SNTG1: variants seen among roughly 807,000 people sequenced by gnomAD.
SNTG1 encodes the protein gamma-1-syntrophin.
SNTG1 carries 39 observed loss-of-function variants against 74.7 expected under a neutral mutation model. The ratio of observed to expected loss-of-function variants is 0.52; its 90% CI spans 0.40 to 0.68. SNTG1 has a LOEUF of 0.68. Among genes scored for constraint, SNTG1 ranks in the 30% least tolerant of loss-of-function variants. The probability of loss-of-function intolerance (pLI) is 0.00; values close to 1 mark genes in which losing one functional copy is unlikely to be tolerated. For missense variants in SNTG1, 685 were observed against 609.5 expected, an observed-to-expected ratio of 1.12 and a Z score of -1.30; for synonymous variants, 254 against 217.1, an observed-to-expected ratio of 1.17 and a Z score of -1.49.
intron 1 of SNTG1, among the ~76,000 whole-genome samples, chr8:50,002,960 T>C (rs1165784826): frequency 6.6e-6 from 1 of 152,148 alleles, no homozygotes; most frequent in African/African-American, 2.4e-5. Context: ...AGAAATGAAC[T>C]CTGACAACAT....
chr8:50,588,005 A>C (rs1480200960), intron 12 of SNTG1, among the ~76,000 whole-genome samples: 1 of 150,688 alleles, frequency 6.6e-6, no homozygotes, highest in African/African-American at 2.4e-5. Context: ...CTATAGTCCC[A>C]GCTACTCAAC....
chr8:50,255,779 C>T (rs2086851820), intron 2 of SNTG1, among the ~76,000 whole-genome samples: 1 of 152,168 alleles, frequency 6.6e-6, no homozygotes, highest in African/African-American at 2.4e-5. Flanking sequence ...TGCACTGATC[C>T]TATTTCCCCC....
chr8:50,768,630 T>A (rs1563821439), intron 18 of SNTG1, among the ~76,000 whole-genome samples: 4 of 152,084 alleles, frequency 2.6e-5, no homozygotes, highest in Non-Finnish European at 5.9e-5. Flanking sequence ...TTTGTGACTC[T>A]ATCTGGTATC....
chr8:50,570,516 C>T (rs150148685), intron 12 of SNTG1, among the ~76,000 whole-genome samples: 4,654 of 148,902 alleles, frequency 0.031, 115 homozygotes, highest in African/African-American at 0.056. Context: ...ACCTTGGCCT[C>T]CCAGCGTGCT....
chr8:50,382,077 A>G (rs1320375308), intron 2 of SNTG1: 1 of 151,716 alleles, frequency 6.6e-6, no homozygotes, highest in Non-Finnish European at 1.5e-5. Context: ...TATTCTAGCC[A>G]TGCTGGCAGC....
At chr8:49,962,919 G>A (rs974576312) in intron 1 of SNTG1, among the ~76,000 whole-genome samples, 3 of 152,120 alleles carry the variant, frequency 2.0e-5, no homozygotes, top group Non-Finnish European at 4.4e-5. Context: ...ACAGATTCCC[G>A]GGCTGTTTGT....
chr8:50,221,512 TAC>T (rs71550218), intron 2 of SNTG1, among the ~76,000 whole-genome samples: 13,706 of 129,838 alleles, frequency 0.11, 765 homozygotes, highest in South Asian at 0.21. Context: ...AACACACACA[TAC>T]ACACACACAC....
chr8:50,758,079 T>C (rs1349967859), intron 18 of SNTG1, among the ~76,000 whole-genome samples: 1 of 151,964 alleles, frequency 6.6e-6, no homozygotes, highest in Non-Finnish European at 1.5e-5. Context: ...ATATGTTAGA[T>C]AAATAACATT....
chr8:50,159,205 CT>C (rs1164646039), intron 1 of SNTG1, among the ~76,000 whole-genome samples: 1 of 151,544 alleles, frequency 6.6e-6, no homozygotes, highest in East Asian at 1.9e-4. Flanking sequence ...TTAAATATTC[CT>C]TTTTTTTCAC....
chr8:50,008,086 T>C (rs1467445601), intron 1 of SNTG1, among the ~76,000 whole-genome samples: 1 of 152,102 alleles, frequency 6.6e-6, no homozygotes, highest in East Asian at 1.9e-4. Context: ...CAATTCAAGA[T>C]GAGATTTGAG....
intron 15 of SNTG1, among the ~76,000 whole-genome samples, chr8:50,659,007 T>C (rs2095201873): frequency 6.6e-6 from 1 of 152,128 alleles, no homozygotes; most frequent in African/African-American, 2.4e-5. Flanking sequence ...ATGTTTTTTT[T>C]TTTAATTCTT....
At chr8:50,670,983 T>C (rs1289228626) in intron 15 of SNTG1, among the ~76,000 whole-genome samples, 1 of 150,446 alleles carries the variant, frequency 6.6e-6, no homozygotes, top group African/African-American at 2.4e-5. Flanking sequence ...GAAAACTGGC[T>C]AGCCATATGT....
At chr8:50,304,852 T>C (rs1293112345) in intron 2 of SNTG1, among the ~76,000 whole-genome samples, 1 of 152,192 alleles carries the variant, frequency 6.6e-6, no homozygotes, top group African/African-American at 2.4e-5. Flanking sequence ...TGAACCTTAT[T>C]CTCTGTTAGA....
At chr8:50,492,215 T>A (rs527304233) in intron 8 of SNTG1, among the ~76,000 whole-genome samples, 1 of 152,228 alleles carries the variant, frequency 6.6e-6, no homozygotes, top group East Asian at 1.9e-4. Flanking sequence ...TGTGTCTTTA[T>A]GGTAGAATAA....
chr8:49,999,660 C>A (rs1814567657), intron 1 of SNTG1, among the ~76,000 whole-genome samples: 1 of 152,168 alleles, frequency 6.6e-6, no homozygotes, highest in Admixed American at 6.5e-5. Flanking sequence ...GTCTGCATGG[C>A]TCTCCCCATT....
At chr8:50,160,074 T>C (rs1275114787) in intron 1 of SNTG1, among the ~76,000 whole-genome samples, 1 of 152,170 alleles carries the variant, frequency 6.6e-6, no homozygotes, top group African/African-American at 2.4e-5. Context: ...GACAACATAT[T>C]GAGTAATGTG....
chr8:50,239,589 T>G (rs1223565522), intron 2 of SNTG1, among the ~76,000 whole-genome samples: 1 of 152,202 alleles, frequency 6.6e-6, no homozygotes, highest in Non-Finnish European at 1.5e-5. Flanking sequence ...GAATTTCTCC[T>G]AATATCAAGG....
chr8:50,703,570 G>A (rs2095433519), intron 15 of SNTG1, among the ~76,000 whole-genome samples: 1 of 151,894 alleles, frequency 6.6e-6, no homozygotes, highest in Non-Finnish European at 1.5e-5. Flanking sequence ...AAAAAAATAG[G>A]AGTACAGTAA....
At chr8:50,497,681 T>C (rs979350606) in intron 8 of SNTG1, among the ~76,000 whole-genome samples, 5 of 152,060 alleles carry the variant, frequency 3.3e-5, no homozygotes, top group African/African-American at 1.2e-4. Context: ...TGACATAGAA[T>C]ACCCACCAAC....
Sources: gnomAD v4.1 joint callset for allele counts (sites outside exome capture counted in the v4.1 genomes callset) on GRCh38, gnomAD v4.1.1 for gene constraint, MANE v1.5 for transcripts, NCBI Gene and HGNC (gene_info 2026-07-23, HGNC 2026-07-21) for gene names.